Variants in SLC26A5 observed in about 807,000 individuals in gnomAD.
The protein encoded by SLC26A5 is solute carrier family 26 member 5.
Under a neutral mutation model 81.0 loss-of-function variants are expected in SLC26A5, and 51 were observed. That is an observed-to-expected ratio of 0.63 (90% CI 0.50 to 0.80). The LOEUF (loss-of-function observed/expected upper bound fraction) is 0.80. SLC26A5 is among the 30% of genes least tolerant of loss of function. The pLI, the probability that SLC26A5 is intolerant of heterozygous loss-of-function variation, is 0.00. For missense variants in SLC26A5, 771 were observed against 905.8 expected, an observed-to-expected ratio of 0.85 and a Z score of 1.91; for synonymous variants, 325 against 332.8, an observed-to-expected ratio of 0.98 and a Z score of 0.25.
chr7:103,406,809 C>T (rs1312290398), intron 8 of SLC26A5, among the ~76,000 whole-genome samples: 1 of 152,138 alleles, frequency 6.6e-6, no homozygotes. Context: ...GTGCATTTCA[C>T]CACATCTAAT....
chr7:103,426,353 G>A (rs1825710461), intron 2 of SLC26A5, among the ~76,000 whole-genome samples: 2 of 152,250 alleles, frequency 1.3e-5, no homozygotes, highest in South Asian at 4.2e-4. Context: ...ACTATCTGTA[G>A]GGTTGCCAGA....
chr7:103,371,387 C>T (rs1177073435), downstream of SLC26A5, among the ~76,000 whole-genome samples: 17 of 148,180 alleles, frequency 1.1e-4, no homozygotes, highest in South Asian at 6.4e-4. Flanking sequence ...TGCAGTGGCG[C>T]GATCTCGGCT....
In SLC26A5 at chr7:103,360,729, G is replaced by A. The variant is rs182472191; in HGVS notation, c.2042-7803C>T. ...TAGATAGATACTATAGAAGGGGAAA[G>A]GCGGTTGACTATTTTATACTGTGAT... On this transcript the variant is annotated intron_variant, in intron 19 of 19. Coordinates refer to the SLC26A5 transcript ENST00000339444. 4.6e-3 allele frequency among the ~76,000 whole-genome samples: 696 copies of A among 152,322 alleles called. 6 individuals carry two copies. The highest frequency in any genetic ancestry group is 0.016 in the African/African-American group (655 of 41,560).
At chr7:103,355,004 T>A (rs186141833) in intron 19 of SLC26A5, 1 of 1,161,904 alleles carries the variant, frequency 8.6e-7, no homozygotes, top group Admixed American at 1.8e-5. Context: ...GTGAATAATA[T>A]CAAGAGTTTA....
rs539271805 is a variant in SLC26A5 at position 103,365,565 on chromosome 7, G to A, written c.2041+11243C>T. ...AATCGCTTGAACCCAGAAGGCGAAG[G>A]TTGCACTGAGCCAAGATCGTGCCAT... On this transcript the variant is annotated intron_variant, in intron 19 of 19. Transcript: ENST00000339444. Among the ~76,000 whole-genome samples the A allele has an allele frequency of 3.9e-5, 6 of 152,164 alleles. No individual in the cohort carries two copies. In the East Asian group the frequency reaches 1.2e-3, roughly 29 times the overall value.
In SLC26A5 at chr7:103,407,919, C is replaced by G; in HGVS notation, c.820G>C (p.Gly274Arg). 1 of 1,614,184 alleles carries G rather than the reference C, an allele frequency of 6.2e-7. No homozygotes were observed. The change falls in exon 8 of 20, where the codon GGT becomes CGT. Residue 274 changes from glycine to arginine, a missense_variant. Transcript: ENST00000306312. ...VGLMVFGLLL[G>R]GKEFNERFKE... ...AATCTCTCATTAAACTCCTTGCCAC[C>G]CAACAGCAAACCAAAAACCATCAGC...
At chr7:103,382,956 G>T (rs182298135) in intron 14 of SLC26A5, among the ~76,000 whole-genome samples, 1 of 152,300 alleles carries the variant, frequency 6.6e-6, no homozygotes, top group African/African-American at 2.4e-5. Context: ...TTCTTAGCAT[G>T]AATGTCAAAG....
At chr7:103,385,617 G>A (rs893095012) in intron 14 of SLC26A5, among the ~76,000 whole-genome samples, 1 of 151,796 alleles carries the variant, frequency 6.6e-6, no homozygotes, top group Non-Finnish European at 1.5e-5. Context: ...ACCAACAAAG[G>A]ATAGAACATA....
chr7:103,362,776 G>A, intron 19 of SLC26A5: 1 of 1,499,902 alleles, frequency 6.7e-7, no homozygotes. Flanking sequence ...ACTATGGGAG[G>A]GAAAAGGAAG....
chr7:103,401,923 A>G (rs548873799), intron 8 of SLC26A5, among the ~76,000 whole-genome samples: 1 of 152,328 alleles, frequency 6.6e-6, no homozygotes, highest in South Asian at 2.1e-4. Context: ...ATCATGGTGG[A>G]CAAGCTTTTT....
At chr7:103,382,431 C>T (rs1229776122) in intron 14 of SLC26A5, among the ~76,000 whole-genome samples, 3 of 142,572 alleles carry the variant, frequency 2.1e-5, no homozygotes, top group African/African-American at 8.0e-5. Context: ...CTCATTGCAA[C>T]CTCCGCCTCC....
chr7:103,401,992 A>T (rs1275258077), intron 8 of SLC26A5, among the ~76,000 whole-genome samples: 2 of 152,204 alleles, frequency 1.3e-5, no homozygotes, highest in African/African-American at 4.8e-5. Context: ...ATCGATATTC[A>T]TCAGGGATGC....
chr7:103,374,788 C>G (rs1054970297), intron 19 of SLC26A5, among the ~76,000 whole-genome samples, 196 bp from the exon 20 acceptor site: 25 of 150,264 alleles, frequency 1.7e-4, no homozygotes, highest in African/African-American at 5.9e-4. Context: ...CAACCTCCAA[C>G]TCCTGCGTTC....
At chr7:103,373,682 T>C (rs182408275), downstream of SLC26A5, among the ~76,000 whole-genome samples, 21 of 152,300 alleles carry the variant, frequency 1.4e-4, no homozygotes, top group East Asian at 3.9e-3. Flanking sequence ...AATTTAAATA[T>C]GGTCTAAGAT....
At chr7:103,425,074 T>C (rs745549629) in intron 2 of SLC26A5, among the ~76,000 whole-genome samples, 10 of 152,332 alleles carry the variant, frequency 6.6e-5, no homozygotes, top group Middle Eastern at 3.4e-3. Flanking sequence ...GTCCTTCGGC[T>C]ATCCCCAACA....
chr7:103,371,795 A>G (rs917519042), downstream of SLC26A5, among the ~76,000 whole-genome samples: 1 of 148,100 alleles, frequency 6.8e-6, no homozygotes, highest in Non-Finnish European at 1.5e-5. Flanking sequence ...TCCTGGGTTC[A>G]TTCCATTCTC....
At chr7:103,421,602 CA>C in intron 2 of SLC26A5, 35 bp from the exon 3 acceptor site, 1 of 1,389,188 alleles carries the variant, frequency 7.2e-7, no homozygotes, top group Non-Finnish European at 1.0e-6. Flanking sequence ...TTTTACTTGC[CA>C]AAATCCTACT....
chr7:103,368,881 T>C (rs1820865384), intron 19 of SLC26A5: 1 of 151,822 alleles, frequency 6.6e-6, no homozygotes, highest in African/African-American at 2.4e-5. Flanking sequence ...AGGCTTCTGG[T>C]CTACAGTGAG....
At chr7:103,419,945 C>T (rs1825209775) in intron 4 of SLC26A5, among the ~76,000 whole-genome samples, 1 of 151,968 alleles carries the variant, frequency 6.6e-6, no homozygotes, top group African/African-American at 2.4e-5. Context: ...AATCTCATGC[C>T]TTGATTGGAT....
Sources: allele counts gnomAD v4.1 joint callset (sites outside exome capture counted in the v4.1 genomes callset), GRCh38; gene constraint gnomAD v4.1.1; transcripts MANE v1.5; gene names NCBI Gene and HGNC (gene_info 2026-07-23, HGNC 2026-07-21).